ERP44: variants seen among roughly 807,000 people sequenced by gnomAD.
The protein encoded by ERP44 is endoplasmic reticulum protein 44.
A neutral mutation model predicts 53.4 loss-of-function variants in ERP44; 25 were observed. The ratio of observed to expected loss-of-function variants is 0.47; its 90% CI spans 0.34 to 0.65. The LOEUF (loss-of-function observed/expected upper bound fraction) is 0.65. ERP44 is among the 30% of genes least tolerant of loss of function. ERP44 has a pLI of 0.01. For synonymous variants in ERP44, 145 were observed against 161.2 expected (o/e 0.90, Z 0.76); for missense variants, 338 against 493.2 (o/e 0.69, Z 2.98).
At chr9:100,096,229 AC>A (rs1564108661) in intron 1 of ERP44, among the ~76,000 whole-genome samples, 1 of 152,106 alleles carries the variant, frequency 6.6e-6, no homozygotes, top group Admixed American at 6.5e-5. Context: ...CAAAACTTGT[AC>A]ACAACCAGTG....
At chr9:100,063,990 A>G (rs944872949) in intron 1 of ERP44, among the ~76,000 whole-genome samples, 1 of 152,204 alleles carries the variant, frequency 6.6e-6, no homozygotes, top group African/African-American at 2.4e-5. Context: ...ATAAAAGTGA[A>G]AGGCTAGCTT....
intron 1 of ERP44, among the ~76,000 whole-genome samples, chr9:100,073,891 C>T (rs759967388): frequency 2.6e-5 from 4 of 152,192 alleles, no homozygotes; most frequent in Non-Finnish European, 1.5e-5. Context: ...ACTACCTATC[C>T]TTACTACATT....
At chr9:100,005,606 G>A (rs966599016) in intron 10 of ERP44, among the ~76,000 whole-genome samples, 9 of 151,936 alleles carry the variant, frequency 5.9e-5, no homozygotes, top group East Asian at 3.9e-4. Context: ...TTTTATATAC[G>A]AAGAAACAAG....
intron 1 of ERP44, among the ~76,000 whole-genome samples, chr9:100,087,414 T>C (rs1451288557): frequency 2.6e-5 from 4 of 152,204 alleles, no homozygotes; most frequent in African/African-American, 9.7e-5. Flanking sequence ...TTAATACCAT[T>C]GGACAGACAA....
intron 1 of ERP44, among the ~76,000 whole-genome samples, chr9:100,082,212 C>T (rs1826434845): frequency 6.6e-6 from 1 of 151,946 alleles, no homozygotes; most frequent in South Asian, 2.1e-4. Flanking sequence ...AGTCAAGCCT[C>T]CCTCAGTTAA....
chr9:100,051,718 T>A (rs1826039903), intron 4 of ERP44, among the ~76,000 whole-genome samples: 1 of 152,032 alleles, frequency 6.6e-6, no homozygotes, highest in African/African-American at 2.4e-5. Flanking sequence ...AAAGTTCAAG[T>A]ATAATGGGAA....
At position 100,057,803 on chromosome 9, in the gene ERP44, A is replaced by G; in HGVS notation, c.170+17T>C. On this transcript the variant is annotated intron_variant, in intron 3 of 11. Transcript: ENST00000262455. ...CAAGTAAAAACAAAACCAAACCCAA[A>G]CAATAAGATTACTTACCAGTCAGCA... is the stretch of plus-strand genomic sequence containing the variant. The G allele has an allele frequency of 6.3e-7, 1 of 1,596,332 alleles. No individual in the cohort carries two copies. Among genetic ancestry groups the G allele is most frequent in the Non-Finnish European group, 8.5e-7 (1 of 1,169,742 alleles).
intron 1 of ERP44, among the ~76,000 whole-genome samples, chr9:100,061,511 TATATATTTATAGAA>T (rs1826148572): frequency 1.5e-5 from 2 of 137,326 alleles, no homozygotes; most frequent in African/African-American, 6.3e-5. Context: ...TATAGAAATG[TATATATTTATAGAA>T]ACGTATATAT....
intron 1 of ERP44, among the ~76,000 whole-genome samples, chr9:100,067,062 C>CCAAT (rs1564101883): frequency 6.6e-6 from 1 of 152,022 alleles, no homozygotes; most frequent in African/African-American, 2.4e-5. Flanking sequence ...TGAGAACCAA[C>CCAAT]CTGCATTTAT....
At chr9:100,011,228 T>C (rs1480293036) in intron 8 of ERP44, among the ~76,000 whole-genome samples, 5 of 152,116 alleles carry the variant, frequency 3.3e-5, no homozygotes, top group African/African-American at 1.2e-4. Context: ...AGGCTTCTGG[T>C]ACTATAAAAC....
chr9:100,032,914 A>G (rs1299290558), intron 4 of ERP44, among the ~76,000 whole-genome samples: 1 of 152,238 alleles, frequency 6.6e-6, no homozygotes, highest in Non-Finnish European at 1.5e-5. Context: ...TATTAACCAC[A>G]TGGACCTAAC....
chr9:100,051,696 C>T (rs1282824783), intron 4 of ERP44, among the ~76,000 whole-genome samples: 4 of 152,010 alleles, frequency 2.6e-5, no homozygotes, highest in Admixed American at 6.6e-5. Context: ...GAGTTTAGCA[C>T]GATGAGAGAG....
intron 8 of ERP44, among the ~76,000 whole-genome samples, chr9:100,013,478 C>T (rs1830497089): frequency 6.6e-6 from 1 of 151,010 alleles, no homozygotes; most frequent in African/African-American, 2.4e-5. Flanking sequence ...AAACCCAGAA[C>T]ATTAAGCATG....
chr9:100,070,796 A>C (rs1048571099), intron 1 of ERP44, among the ~76,000 whole-genome samples: 8 of 152,230 alleles, frequency 5.3e-5, no homozygotes, highest in African/African-American at 1.7e-4. Context: ...AAGCTGCCAT[A>C]TCGGATGACA....
intron 1 of ERP44, among the ~76,000 whole-genome samples, chr9:100,077,028 A>G (rs1826366018): frequency 6.6e-6 from 1 of 152,202 alleles, no homozygotes. Context: ...GCCCTCAATA[A>G]GGCACCTTTC....
intron 6 of ERP44, among the ~76,000 whole-genome samples, chr9:100,019,407 C>T (rs1254428440): frequency 6.6e-6 from 1 of 151,812 alleles, no homozygotes; most frequent in African/African-American, 2.4e-5. Flanking sequence ...ATAATGCGCA[C>T]AATAAAACAT....
At chr9:100,007,518 A>G (rs1830434067) in intron 9 of ERP44, 60 bp downstream of exon 9, 1 of 882,832 alleles carries the variant, frequency 1.1e-6, no homozygotes, top group Admixed American at 1.8e-5. Context: ...GGAGATGATG[A>G]AAGGGAAAAA....
chr9:100,065,936 T>C (rs1826205694), intron 1 of ERP44, among the ~76,000 whole-genome samples: 1 of 152,260 alleles, frequency 6.6e-6, no homozygotes, highest in Admixed American at 6.5e-5. Flanking sequence ...CTAGTGAGTT[T>C]GTTTATTTAA....
intron 10 of ERP44, chr9:99,998,844 A>G: frequency 7.7e-7 from 1 of 1,301,900 alleles, no homozygotes; most frequent in South Asian, 1.2e-5. Context: ...ATATATTCCA[A>G]AATAGGTGTA....
Sources: gnomAD v4.1 joint callset for allele counts (sites outside exome capture counted in the v4.1 genomes callset) on GRCh38, gnomAD v4.1.1 for gene constraint, MANE v1.5 for transcripts, NCBI Gene and HGNC (gene_info 2026-07-23, HGNC 2026-07-21) for gene names.